PIK3C2G: variants seen among roughly 807,000 people sequenced by gnomAD.
PIK3C2G encodes the protein phosphatidylinositol 3-kinase C2 domain-containing subunit gamma.
In PIK3C2G, 168 loss-of-function variants were observed where a neutral mutation model predicts 181.1. That is an observed-to-expected ratio of 0.93 (90% CI 0.82 to 1.05). The LOEUF is 1.05. Ranked by LOEUF, PIK3C2G falls within the 50% of genes least tolerant of loss-of-function variation. PIK3C2G has a pLI of 0.00. For synonymous variants in PIK3C2G, 573 were observed against 592.2 expected, an observed-to-expected ratio of 0.97 and a Z score of 0.47; for missense variants, 1,869 against 1,732.8, an observed-to-expected ratio of 1.08 and a Z score of -1.40.
chr12:18,638,951 C>CAA (rs779064940), intron 31 of PIK3C2G, among the ~76,000 whole-genome samples: 5,967 of 97,468 alleles, frequency 0.061, 190 homozygotes, highest in African/African-American at 0.099. Flanking sequence ...CTCTTCTCAC[C>CAA]AAAAAAAAAA....
chr12:18,581,875 T>G (rs1398777514), intron 29 of PIK3C2G, among the ~76,000 whole-genome samples: 2 of 152,028 alleles, frequency 1.3e-5, no homozygotes, highest in African/African-American at 4.8e-5. Context: ...AACCCCAATT[T>G]TAAAGCTTGA....
At chr12:18,303,102 C>CTT (rs1205145972) in intron 5 of PIK3C2G, among the ~76,000 whole-genome samples, 8,367 of 103,568 alleles carry the variant, frequency 0.081, 293 homozygotes, top group Non-Finnish European at 0.094. Context: ...TTTTCTTTCT[C>CTT]TTTCTTTCTT....
At chr12:18,505,956 C>G (rs991133896) in intron 24 of PIK3C2G, among the ~76,000 whole-genome samples, 4 of 152,184 alleles carry the variant, frequency 2.6e-5, no homozygotes, top group African/African-American at 9.7e-5. Flanking sequence ...ACCCTGATCT[C>G]TTTCTAGTAG....
chr12:18,280,923 G>A (rs767939772), intron 1 of PIK3C2G, among the ~76,000 whole-genome samples: 1 of 151,926 alleles, frequency 6.6e-6, no homozygotes, highest in Non-Finnish European at 1.5e-5. Flanking sequence ...GTGGATTATT[G>A]GATATAGAAG....
intron 5 of PIK3C2G, among the ~76,000 whole-genome samples, chr12:18,303,846 G>T (rs1055508950): frequency 2.0e-5 from 3 of 151,822 alleles, no homozygotes; most frequent in Non-Finnish European, 4.4e-5. Context: ...TTACAGGATG[G>T]TCAAATTTTA....
At chr12:18,485,149 A>T (rs2136037468) in intron 18 of PIK3C2G, among the ~76,000 whole-genome samples, 1 of 152,268 alleles carries the variant, frequency 6.6e-6, no homozygotes, top group African/African-American at 2.4e-5. Flanking sequence ...GAAAACTAAA[A>T]TTACGGCCTG....
At chr12:18,269,733 G>A (rs1948663272) in intron 1 of PIK3C2G, among the ~76,000 whole-genome samples, 1 of 151,956 alleles carries the variant, frequency 6.6e-6, no homozygotes, top group South Asian at 2.1e-4. Context: ...ACGCAAAATG[G>A]AAATAAAGAT....
chr12:18,370,425 G>A (rs1234461097), intron 12 of PIK3C2G, among the ~76,000 whole-genome samples: 1 of 152,060 alleles, frequency 6.6e-6, no homozygotes, highest in Non-Finnish European at 1.5e-5. Flanking sequence ...ATCATATCCA[G>A]AGATTGTATA....
chr12:18,540,552 A>G (rs761438857), intron 25 of PIK3C2G, among the ~76,000 whole-genome samples: 1 of 151,938 alleles, frequency 6.6e-6, no homozygotes, highest in Non-Finnish European at 1.5e-5. Context: ...ATGATATGTT[A>G]AACAATCACC....
intron 11 of PIK3C2G, among the ~76,000 whole-genome samples, chr12:18,349,624 C>A (rs1268669233): frequency 2.0e-5 from 3 of 152,152 alleles, no homozygotes; most frequent in African/African-American, 7.2e-5. Context: ...CTAAATTTCT[C>A]ATTATATAGA....
chr12:18,667,977 A>AC, the PIK3C2G span, among the ~76,000 whole-genome samples: 1 of 151,768 alleles, frequency 6.6e-6, no homozygotes, highest in Non-Finnish European at 1.5e-5. Flanking sequence ...AACAACAACA[A>AC]AAAAAAAAGG....
At chr12:18,438,541 A>T (rs892133765) in intron 18 of PIK3C2G, among the ~76,000 whole-genome samples, 9 of 151,894 alleles carry the variant, frequency 5.9e-5, no homozygotes, top group African/African-American at 1.9e-4. Flanking sequence ...TACTTCATTA[A>T]CTGACAACAA....
the PIK3C2G span, chr12:18,712,789 A>G: frequency 1.3e-6 from 2 of 1,590,710 alleles, no homozygotes; most frequent in Non-Finnish European, 1.7e-6. Flanking sequence ...AAGCAAGTAA[A>G]TTAGAATTGC....
intron 22 of PIK3C2G, among the ~76,000 whole-genome samples, chr12:18,502,452 A>C (rs1941556666): frequency 6.6e-6 from 1 of 152,220 alleles, no homozygotes; most frequent in Non-Finnish European, 1.5e-5. Flanking sequence ...TGGAAATCAG[A>C]AACTCTAGAC....
intron 26 of PIK3C2G, among the ~76,000 whole-genome samples, chr12:18,559,821 T>G (rs7953416): frequency 0.066 from 1,203 of 18,092 alleles, 75 homozygotes; most frequent in African/African-American, 0.094. Flanking sequence ...TATATATATA[T>G]AGAGAGAGAG....
At chr12:18,532,895 T>A (rs1420907972) in intron 24 of PIK3C2G, among the ~76,000 whole-genome samples, 1 of 151,814 alleles carries the variant, frequency 6.6e-6, no homozygotes, top group African/African-American at 2.4e-5. Flanking sequence ...TTTTTTTTTT[T>A]TTTTTTCAGC....
At chr12:18,495,197 G>T (rs534784832) in intron 20 of PIK3C2G, among the ~76,000 whole-genome samples, 3 of 152,064 alleles carry the variant, frequency 2.0e-5, no homozygotes. Flanking sequence ...TGAAAGCATA[G>T]AGTCTTTTTC....
At chr12:18,457,605 C>A (rs1947700114) in intron 18 of PIK3C2G, among the ~76,000 whole-genome samples, 1 of 152,140 alleles carries the variant, frequency 6.6e-6, no homozygotes, top group South Asian at 2.1e-4. Context: ...ACTCCCCACT[C>A]TCTCTGTCTG....
At chr12:18,718,735 C>T in the PIK3C2G span, among the ~76,000 whole-genome samples, 1 of 152,178 alleles carries the variant, frequency 6.6e-6, no homozygotes, top group Non-Finnish European at 1.5e-5. Flanking sequence ...AGTTCATCTT[C>T]CCTGTATGAT....
Sources: allele counts gnomAD v4.1 joint callset (sites outside exome capture counted in the v4.1 genomes callset), GRCh38; gene constraint gnomAD v4.1.1; transcripts MANE v1.5; gene names NCBI Gene and HGNC (gene_info 2026-07-23, HGNC 2026-07-21).